Variants in PACS2 observed in about 807,000 individuals in gnomAD.
PACS2 encodes the protein PACS1-like protein.
A neutral mutation model predicts 113.0 loss-of-function variants in PACS2; 36 were observed. The observed-to-expected ratio is 0.32, with a 90% CI of 0.24 to 0.42. The LOEUF is 0.42. Among genes scored for constraint, PACS2 ranks in the 10% least tolerant of loss-of-function variants. The pLI is 1.00. For synonymous variants in PACS2, 589 were observed against 536.1 expected (o/e 1.10, Z -1.36); for missense variants, 1,015 against 1,239.5 (o/e 0.82, Z 2.72).
intron 8 of PACS2, 103 bp downstream of exon 8, chr14:105,370,003 G>C: frequency 9.9e-7 from 1 of 1,014,594 alleles, no homozygotes. Flanking sequence ...TGGTTCTGCC[G>C]CTCACCGTCT....
At chr14:105,301,794 C>CT (rs139659125) in intron 1 of PACS2, among the ~76,000 whole-genome samples, 4,950 of 152,342 alleles carry the variant, frequency 0.032, 141 homozygotes, top group African/African-American at 0.075. Context: ...TCTGCAGGTG[C>CT]TGTTCACAAT....
intron 20 of PACS2, chr14:105,390,277 C>G: frequency 2.0e-6 from 1 of 503,230 alleles, no homozygotes; most frequent in South Asian, 2.1e-5. Context: ...CTCAGAACAC[C>G]CAGGAGGCTT....
chr14:105,337,405 T>C (rs587645731), intron 1 of PACS2, among the ~76,000 whole-genome samples: 5 of 152,354 alleles, frequency 3.3e-5, no homozygotes, highest in African/African-American at 1.2e-4. Context: ...GCCACTGACC[T>C]GCACACTGAA....
intron 4 of PACS2, among the ~76,000 whole-genome samples, chr14:105,359,377 A>G (rs587690763): frequency 8.0e-5 from 12 of 150,804 alleles, no homozygotes; most frequent in African/African-American, 2.9e-4. Context: ...GCGCGATCTC[A>G]GTTCACTGCA....
rs2060974308 is a variant in PACS2 at position 105,367,287 on chromosome 14, G to A, written c.498G>A (p.Ala166=). The A allele has an allele frequency of 1.9e-6, 3 of 1,613,244 alleles. No homozygotes were observed. Among genetic ancestry groups the A allele is most frequent in the Non-Finnish European group, 2.5e-6 (3 of 1,179,986 alleles). Residue 166 remains alanine (A), a synonymous_variant, in exon 5 of 25, where the codon GCG becomes GCA. Transcript: ENST00000447393. ...CSSIKEAPVK[A]AEIWIASLSS... ...GCATCAAGGAGGCCCCCGTCAAGGC[G>A]GCCGAGATCTGGATCGCCTCCCTGT...
At chr14:105,393,154 A>G in intron 23 of PACS2, 68 bp from the exon 24 acceptor site, 1 of 1,227,058 alleles carries the variant, frequency 8.1e-7, no homozygotes, top group Non-Finnish European at 1.2e-6. Flanking sequence ...CCCCACACGT[A>G]CCCCTGGCCC....
At chr14:105,379,102 G>T (rs1434616632) in intron 9 of PACS2, among the ~76,000 whole-genome samples, 1 of 151,884 alleles carries the variant, frequency 6.6e-6, no homozygotes, top group Non-Finnish European at 1.5e-5. Context: ...GTCTGGAAAG[G>T]CCTGGATGGT....
At chr14:105,347,455 CTG>C (rs1555402925) in intron 1 of PACS2, among the ~76,000 whole-genome samples, 1 of 152,166 alleles carries the variant, frequency 6.6e-6, no homozygotes, top group East Asian at 1.9e-4. Flanking sequence ...CATGGCCTGA[CTG>C]TGTCTGGCGC....
chr14:105,391,797 A>C, intron 22 of PACS2, 31 bp downstream of exon 22: 1 of 1,559,572 alleles, frequency 6.4e-7, no homozygotes, highest in Non-Finnish European at 8.7e-7. Flanking sequence ...AGCACGTTTC[A>C]CTTACCCGCC....
chr14:105,331,062 C>T (rs1017160262), intron 1 of PACS2, among the ~76,000 whole-genome samples: 2 of 151,788 alleles, frequency 1.3e-5, no homozygotes, highest in Non-Finnish European at 2.9e-5. Context: ...TCAGGTGATT[C>T]TCCTGCCTCA....
At position 105,398,104 on chromosome 14, in the gene PACS2, T is replaced by C. The variant is rs1419970738; in HGVS notation, c.*3432T>C. ...GTCACGTATGTGACCGTGTGGACTA[T>C]TTCAAGGTGCTGATGCAACACTAAT... On this transcript the variant is annotated 3_prime_UTR_variant, in exon 25 of 25. Coordinates refer to ENST00000447393, the MANE Select transcript of PACS2 (RefSeq NM_001100913.3). The C allele has an allele frequency of 1.3e-5, 2 of 152,246 alleles. No homozygotes were observed. The highest frequency in any genetic ancestry group is 4.8e-5 in the African/African-American group (2 of 41,462). 9.4% of individuals were successfully genotyped at this position (152,246 alleles called of 1,614,324 possible). A position where few individuals can be genotyped will look rare whatever the true frequency, so the allele number is the denominator to read the frequency against.
intron 13 of PACS2, among the ~76,000 whole-genome samples, 192 bp downstream of exon 13, chr14:105,382,250 G>A (rs2083067720): frequency 6.6e-6 from 1 of 152,214 alleles, no homozygotes; most frequent in African/African-American, 2.4e-5. Flanking sequence ...AGACCATGTG[G>A]ACCCCAGGGC....
chr14:105,301,862 C>T (rs1404956219), intron 1 of PACS2, among the ~76,000 whole-genome samples: 1 of 152,186 alleles, frequency 6.6e-6, no homozygotes, highest in Non-Finnish European at 1.5e-5. Context: ...CGTAACCAGG[C>T]GTAGTGGCTC....
At position 105,324,227 on chromosome 14, in the gene PACS2, A is replaced by G. The variant is rs2017207580; in HGVS notation, c.119+9190A>G. 6.6e-6 allele frequency among the ~76,000 whole-genome samples: 1 copy of G among 152,148 alleles called. No homozygotes were observed. Among genetic ancestry groups the G allele is most frequent in the African/African-American group, 2.4e-5 (1 of 41,420 alleles). ...TGTGGCGGGGTCGGGGGGCTGCTGC[A>G]GAGAGCGGGTCTGCGGTCAGTCACA... On this transcript the variant is annotated intron_variant, in intron 1 of 24. Transcript: ENST00000447393. The surrounding 1 kb of genome is among the most constrained non-coding windows in gnomAD (Gnocchi z 4.7).
rs939401831 is a variant in PACS2, at chr14:105,358,642, G to A, written c.423+3465G>A. The stretch of plus-strand genomic sequence containing the variant: ...TTGACAGACCCATGACCAGGCGAAG[G>A]GGTGACCTGGGAGTGCGGTGGTGGC... On this transcript the variant is annotated intron_variant, in intron 4 of 24. Transcript: ENST00000447393. The surrounding 1 kb of genome is among the most constrained non-coding windows in gnomAD (Gnocchi z 4.9). Among the ~76,000 whole-genome samples the A allele has an allele frequency of 1.3e-5, 2 of 152,166 alleles. No individual in the cohort carries two copies. Among genetic ancestry groups the A allele is most frequent in the Non-Finnish European group, 2.9e-5 (2 of 68,016 alleles).
chr14:105,353,153 G>A (rs587604439), intron 3 of PACS2, among the ~76,000 whole-genome samples: 9 of 118,684 alleles, frequency 7.6e-5, no homozygotes, highest in African/African-American at 3.0e-4. Context: ...CTGGGGAGAC[G>A]GGCACCCCCA....
At chr14:105,336,327 C>G (rs1191841167) in intron 1 of PACS2, 2 of 152,372 alleles carry the variant, frequency 1.3e-5, no homozygotes, top group Non-Finnish European at 1.5e-5. Context: ...GAAGTGCTCC[C>G]TTGTCCTGCT....
chr14:105,370,653 C>G (rs1555409151), intron 8 of PACS2: 1 of 152,262 alleles, frequency 6.6e-6, no homozygotes, highest in Non-Finnish European at 1.5e-5. Flanking sequence ...GAGATTGAGC[C>G]ACTGCACTTC....
rs1282639193 is a variant in PACS2 at position 105,365,756 on chromosome 14, C to T, written c.424-1457C>T. Among the ~76,000 whole-genome samples, 2 of 152,158 alleles carry T rather than the reference C, an allele frequency of 1.3e-5. No homozygotes were observed. The highest frequency in any genetic ancestry group is 2.9e-5 in the Non-Finnish European group (2 of 68,028). On this transcript the variant is annotated intron_variant, in intron 4 of 24. Transcript: ENST00000447393. The surrounding 1 kb of genome is among the most constrained non-coding windows in gnomAD (Gnocchi z 5.1). ...GCATTTCTGACCGAGGGCTTCTGAG[C>T]TTCCAGGTTCTCACCCCTGTGTGAC...
Sources: gnomAD v4.1 joint callset for allele counts (sites outside exome capture counted in the v4.1 genomes callset) on GRCh38, gnomAD v4.1.1 for gene constraint, Gnocchi (gnomAD v3.1) non-coding constraint, MANE v1.5 for transcripts, NCBI Gene and HGNC (gene_info 2026-07-23, HGNC 2026-07-21) for gene names.